The following CA10 variants were observed in gnomAD, a reference collection of about 807,000 sequenced individuals.
CA10 encodes the protein carbonic anhydrase 10 (inactive), also known as carbonic anhydrase-related protein 10.
In CA10, 14 loss-of-function variants were observed where a neutral mutation model predicts 44.2. The observed-to-expected ratio is 0.32, with a 90% CI of 0.21 to 0.50. CA10 has a LOEUF of 0.50. CA10 is among the 20% of genes least tolerant of loss of function. The pLI, the probability that CA10 is intolerant of heterozygous loss-of-function variation, is 0.99. For missense variants in CA10, 350 were observed against 409.7 expected (o/e 0.85, Z 1.26); for synonymous variants, 159 against 141.6 (o/e 1.12, Z -0.87).
intron 3 of CA10, among the ~76,000 whole-genome samples, chr17:51,849,198 C>CATATATGTATATATATATATAT (rs1598079788): frequency 4.0e-5 from 1 of 24,732 alleles, no homozygotes; most frequent in Non-Finnish European, 6.8e-5. Flanking sequence ...TATATATATA[C>CATATATGTATATATATATATAT]ATATATGTAT....
At position 51,819,392 on chromosome 17, in the gene CA10, A is replaced by AC. The variant is rs542474617; in HGVS notation, c.280-71575dup. Among the ~76,000 whole-genome samples, 95 of 152,248 alleles carry AC rather than the reference A, an allele frequency of 6.2e-4. 1 individual carries two copies. Among genetic ancestry groups the AC allele is most frequent in the Non-Finnish European group, 1.3e-4 (9 of 68,010 alleles). On this transcript the variant is annotated intron_variant, in intron 3 of 8. Coordinates refer to ENST00000451037, the MANE Select transcript of CA10 (RefSeq NM_020178.5). ...CTTGGTGGCTCCCGAGATCCATGGC[A>AC]CCACAAACCCTTACTATGAGATGTC...
intron 3 of CA10, among the ~76,000 whole-genome samples, chr17:51,831,667 A>AAGAAGCAGCAGCAGCAGCAGCAGC (rs1908246555): frequency 1.6e-5 from 2 of 127,412 alleles, no homozygotes; most frequent in South Asian, 3.0e-4. Flanking sequence ...AGAAAAGAAA[A>AAGAAGCAGCAGCAGCAGCAGCAGC]AGCAGCAGCA....
At chr17:51,772,672 T>C (rs2143659811) in intron 3 of CA10, among the ~76,000 whole-genome samples, 1 of 152,244 alleles carries the variant, frequency 6.6e-6, no homozygotes, top group Non-Finnish European at 1.5e-5. Flanking sequence ...GAAGCATTTT[T>C]TTTTTTTTGA....
At chr17:52,135,316 C>A (rs1347562535) in intron 1 of CA10, among the ~76,000 whole-genome samples, 1 of 152,088 alleles carries the variant, frequency 6.6e-6, no homozygotes, top group Non-Finnish European at 1.5e-5. Flanking sequence ...GAGAAAAGAC[C>A]ACTGACCATG....
intron 3 of CA10, among the ~76,000 whole-genome samples, chr17:51,788,458 T>C (rs1025477982): frequency 6.6e-6 from 1 of 152,238 alleles, no homozygotes; most frequent in Non-Finnish European, 1.5e-5. Flanking sequence ...ATATCTACCA[T>C]ATTTGTCTTT....
intron 2 of CA10, among the ~76,000 whole-genome samples, chr17:51,996,798 A>C (rs895157964): frequency 1.3e-5 from 2 of 152,024 alleles, no homozygotes; most frequent in African/African-American, 4.8e-5. Context: ...CAACCACAGC[A>C]GGGTACCCCA....
In CA10 at chr17:51,824,553, T is replaced by C. The variant is rs545333508; in HGVS notation, c.280-76735A>G. On this transcript the variant is annotated intron_variant, in intron 3 of 8. Transcript: ENST00000451037. Reference sequence around the variant, plus strand: ...CCTAGGATGAACAAAACTTTAAAACTTTAAATAAAGGCAAGATCAGTCTTA... The same window carrying C: ...CCTAGGATGAACAAAACTTTAAAACCTTAAATAAAGGCAAGATCAGTCTTA... 3.3e-5 allele frequency among the ~76,000 whole-genome samples: 5 copies of C among 152,338 alleles called. No individual in the cohort carries two copies. The South Asian group carries it at 1.0e-3, about 32-fold the overall frequency.
intron 1 of CA10, among the ~76,000 whole-genome samples, chr17:52,107,486 A>G (rs1988685671): frequency 6.6e-6 from 1 of 152,228 alleles, no homozygotes. Flanking sequence ...AGCTCCCCAT[A>G]CTTGTAGCTG....
At chr17:51,840,144 A>T (rs1978307071) in intron 3 of CA10, among the ~76,000 whole-genome samples, 1 of 152,154 alleles carries the variant, frequency 6.6e-6, no homozygotes, top group Admixed American at 6.5e-5. Context: ...TTCACCTGGG[A>T]AAGTGGATAA....
intron 3 of CA10, among the ~76,000 whole-genome samples, chr17:51,825,921 C>G (rs1907990471): frequency 6.6e-6 from 1 of 152,232 alleles, no homozygotes; most frequent in Admixed American, 6.5e-5. Context: ...CCCATATGCC[C>G]ATAGCACTTA....
At chr17:51,711,814 T>C (rs1199529439) in intron 4 of CA10, among the ~76,000 whole-genome samples, 1 of 152,174 alleles carries the variant, frequency 6.6e-6, no homozygotes, top group Non-Finnish European at 1.5e-5. Context: ...TATCTATTAG[T>C]CATGGGCCGT....
chr17:52,022,807 A>T (rs1484746960), intron 2 of CA10, among the ~76,000 whole-genome samples: 1 of 152,096 alleles, frequency 6.6e-6, no homozygotes. Context: ...ATTTCTATAC[A>T]CTGATAATAT....
intron 3 of CA10, among the ~76,000 whole-genome samples, chr17:51,880,860 T>C (rs1384529359): frequency 6.6e-6 from 1 of 152,200 alleles, no homozygotes; most frequent in Non-Finnish European, 1.5e-5. Context: ...CAGAACTTAT[T>C]TCTACAAATA....
intron 3 of CA10, among the ~76,000 whole-genome samples, chr17:51,831,725 A>AGCG (rs1908278309): frequency 7.9e-6 from 1 of 126,058 alleles, no homozygotes; most frequent in Non-Finnish European, 1.7e-5. Flanking sequence ...CAGCAGCAGC[A>AGCG]GCAGCAGAAA....
intron 2 of CA10, among the ~76,000 whole-genome samples, chr17:51,980,453 T>C (rs1026662700): frequency 6.6e-6 from 1 of 152,132 alleles, no homozygotes; most frequent in Non-Finnish European, 1.5e-5. Flanking sequence ...TTTGCAAATA[T>C]TTTCCTCCAT....
In CA10 at chr17:51,931,032, G is replaced by A. The variant is rs1368093615; in HGVS notation, c.237C>T (p.Asp79=). 6 of 1,613,476 alleles carry A rather than the reference G, an allele frequency of 3.7e-6. No individual in the cohort carries two copies. The highest frequency in any genetic ancestry group is 4.5e-5 in the East Asian group (2 of 44,854). ...VNIETSHMIF[D]PFLTPLRINT... ...TGATGCGAAGAGGTGTCAGAAAGGG[G>A]TCGAAGATCATGTGACTGGTCTCTA... Residue 79 remains aspartate (D), a synonymous_variant, in exon 3 of 9, where the codon GAC becomes GAT. Transcript: ENST00000451037.
chr17:51,770,053 T>C (rs542187542), intron 3 of CA10, among the ~76,000 whole-genome samples: 19 of 152,022 alleles, frequency 1.2e-4, no homozygotes, highest in Admixed American at 1.2e-3. Context: ...TCCTCCCAAA[T>C]CTAAGATTCT....
intron 4 of CA10, among the ~76,000 whole-genome samples, chr17:51,722,985 G>A (rs184235892): frequency 1.9e-3 from 287 of 152,216 alleles, no homozygotes; most frequent in African/African-American, 6.3e-3. Flanking sequence ...ACCATCCCCC[G>A]TCCCTGCCAA....
intron 6 of CA10, 108 bp from the exon 7 acceptor site, chr17:51,636,117 TAC>T: frequency 1.8e-6 from 1 of 564,704 alleles, no homozygotes. Context: ...CATACATATA[TAC>T]ACACACAGAT....
Sources: gnomAD v4.1 joint callset for allele counts (sites outside exome capture counted in the v4.1 genomes callset) on GRCh38, gnomAD v4.1.1 for gene constraint, MANE v1.5 for transcripts, NCBI Gene and HGNC (gene_info 2026-07-23, HGNC 2026-07-21) for gene names.